The following OR2C1 variants were observed in gnomAD, a reference collection of about 807,000 sequenced individuals.
OR2C1 encodes the protein olfactory receptor family 2 subfamily C member 1.
For missense variants in OR2C1, 468 were observed against 388.3 expected, an observed-to-expected ratio of 1.21 and a Z score of -1.73; for synonymous variants, 209 against 167.3, an observed-to-expected ratio of 1.25 and a Z score of -1.92.
chr16:3,354,328 A>G (rs2030625402), upstream of OR2C1, among the ~76,000 whole-genome samples: 1 of 152,188 alleles, frequency 6.6e-6, no homozygotes, highest in Non-Finnish European at 1.5e-5. Context: ...ACGTGGACAC[A>G]GTAGTTATAT....
the OR2C1 span, among the ~76,000 whole-genome samples, chr16:3,341,832 C>T: frequency 4.5e-4 from 69 of 152,138 alleles, no homozygotes; most frequent in Non-Finnish European, 2.1e-4. Context: ...TTATTAGCTC[C>T]GTATTCAGCT....
At chr16:3,347,018 G>A in the OR2C1 span, among the ~76,000 whole-genome samples, 14 of 150,292 alleles carry the variant, frequency 9.3e-5, no homozygotes, top group Admixed American at 9.2e-4. Flanking sequence ...GCTGAGGTGG[G>A]CAGATCATTT....
the OR2C1 span, among the ~76,000 whole-genome samples, chr16:3,347,984 T>C: frequency 6.6e-6 from 1 of 152,196 alleles, no homozygotes; most frequent in Non-Finnish European, 1.5e-5. Context: ...TTATGATAGA[T>C]GCATATTTAG....
the OR2C1 span, among the ~76,000 whole-genome samples, chr16:3,336,733 A>T: frequency 1.1e-5 from 1 of 88,416 alleles, no homozygotes; most frequent in Non-Finnish European, 2.1e-5. Flanking sequence ...TTTGAGACAG[A>T]GTTTCGCTCT....
the OR2C1 span, among the ~76,000 whole-genome samples, chr16:3,349,659 G>A: frequency 1.3e-5 from 2 of 152,070 alleles, no homozygotes; most frequent in Non-Finnish European, 2.9e-5. Flanking sequence ...AGGCGAACAG[G>A]GGGGAAAAAA....
chr16:3,335,245 T>C, the OR2C1 span, among the ~76,000 whole-genome samples: 1 of 152,238 alleles, frequency 6.6e-6, no homozygotes, highest in Admixed American at 6.5e-5. Flanking sequence ...AGAGATTGCA[T>C]TGAATCTGTA....
At position 3,356,537 on chromosome 16, in the gene OR2C1, C is replaced by T; in HGVS notation, c.597C>T (p.Leu199=). ...CGDTSLNQAV[L]NGVCTFFTAV... ...ACACAAGTCTCAACCAGGCTGTGCT[C>T]AATGGTGTCTGCACCTTCTTCACTG... The change falls in exon 1 of 1, where the codon CTC becomes CTT. Residue 199 remains leucine (L), a synonymous_variant. Transcript: ENST00000304936. 6.2e-7 allele frequency: 1 copy of T among 1,614,170 alleles called. No individual in the cohort carries two copies. The highest frequency in any genetic ancestry group is 8.5e-7 in the Non-Finnish European group (1 of 1,180,044).
the OR2C1 span, among the ~76,000 whole-genome samples, chr16:3,325,458 AAAATATATATATATATATATATATATAT>A: frequency 6.6e-5 from 4 of 60,530 alleles, no homozygotes; most frequent in South Asian, 9.0e-4. Context: ...ATTATGTCTA[AAAATATATATATATATATATATATATAT>A]ATATATATAT....
At chr16:3,333,502 G>C in the OR2C1 span, among the ~76,000 whole-genome samples, 2 of 151,662 alleles carry the variant, frequency 1.3e-5, no homozygotes, top group Non-Finnish European at 2.9e-5. Context: ...CGCCCGGCTA[G>C]TTTTTTGTAT....
chr16:3,329,480 C>T, the OR2C1 span, among the ~76,000 whole-genome samples: 16 of 152,198 alleles, frequency 1.1e-4, no homozygotes, highest in Middle Eastern at 3.4e-3. Flanking sequence ...GACAGAGTCT[C>T]GCTCTGTCGC....
the OR2C1 span, among the ~76,000 whole-genome samples, chr16:3,329,169 GACACAC>G: frequency 1.5e-3 from 168 of 115,146 alleles, no homozygotes; most frequent in South Asian, 4.4e-3. Context: ...TGGGAGGGAA[GACACAC>G]ACACACACAC....
chr16:3,337,727 C>G, the OR2C1 span, among the ~76,000 whole-genome samples: 1,967 of 152,156 alleles, frequency 0.013, 47 homozygotes, highest in African/African-American at 0.045. Context: ...TCACATATTG[C>G]TATCTTGTTA....
At chr16:3,332,061 C>T in the OR2C1 span, among the ~76,000 whole-genome samples, 2 of 126,272 alleles carry the variant, frequency 1.6e-5, no homozygotes, top group Admixed American at 9.6e-5. Context: ...GAACATCTCA[C>T]TCTGGGGCCT....
downstream of OR2C1, among the ~76,000 whole-genome samples, chr16:3,357,579 G>C (rs1174143894): frequency 2.0e-5 from 3 of 152,122 alleles, no homozygotes; most frequent in Admixed American, 6.6e-5. Context: ...TCTGTTAACA[G>C]CCCAGGCTGG....
chr16:3,324,750 C>T, the OR2C1 span, among the ~76,000 whole-genome samples: 1 of 152,042 alleles, frequency 6.6e-6, no homozygotes, highest in Admixed American at 6.5e-5. Flanking sequence ...TCACACCTAG[C>T]TCCTACACAC....
the OR2C1 span, among the ~76,000 whole-genome samples, chr16:3,331,136 A>T: frequency 0.24 from 35,766 of 152,074 alleles, 4,664 homozygotes; most frequent in African/African-American, 0.34. Flanking sequence ...TCTGATGGCC[A>T]ATGATGGTGA....
chr16:3,325,625 C>T, the OR2C1 span, among the ~76,000 whole-genome samples: 3 of 151,242 alleles, frequency 2.0e-5, no homozygotes, highest in African/African-American at 7.3e-5. Flanking sequence ...AATACAATAT[C>T]TGTGAAGTGT....
upstream of OR2C1, among the ~76,000 whole-genome samples, chr16:3,351,903 T>TTTC (rs1179279898): frequency 3.3e-5 from 5 of 150,780 alleles, no homozygotes; most frequent in African/African-American, 1.2e-4. Flanking sequence ...TTTTTTTTTT[T>TTTC]TTCGTATTTT....
upstream of OR2C1, among the ~76,000 whole-genome samples, chr16:3,353,265 G>A (rs970619022): frequency 1.1e-4 from 16 of 151,666 alleles, no homozygotes; most frequent in Admixed American, 5.9e-4. Flanking sequence ...GCTGAGGCGG[G>A]CAGATCACGA....
Sources: allele counts gnomAD v4.1 joint callset (sites outside exome capture counted in the v4.1 genomes callset), GRCh38; gene constraint gnomAD v4.1.1; transcripts MANE v1.5; gene names NCBI Gene and HGNC (gene_info 2026-07-23, HGNC 2026-07-21).